ADAMTS20: variants seen among roughly 807,000 people sequenced by gnomAD.
The protein encoded by ADAMTS20 is A disintegrin and metalloproteinase with thrombospondin motifs 20.
ADAMTS20 carries 225 observed loss-of-function variants against 260.1 expected under a neutral mutation model. The ratio of observed to expected loss-of-function variants is 0.87; its 90% confidence interval spans 0.78 to 0.97. ADAMTS20 has a LOEUF of 0.97. Ranked by LOEUF, ADAMTS20 falls within the 50% of genes least tolerant of loss-of-function variation. ADAMTS20 has a pLI of 0.00. For missense variants in ADAMTS20, 2,400 were observed against 2,337.7 expected, an observed-to-expected ratio of 1.03 and a Z score of -0.55; for synonymous variants, 802 against 769.5, an observed-to-expected ratio of 1.04 and a Z score of -0.70.
chr12:43,448,614 T>C (rs544109585), intron 14 of ADAMTS20, among the ~76,000 whole-genome samples: 11 of 152,192 alleles, frequency 7.2e-5, no homozygotes, highest in African/African-American at 2.2e-4. Context: ...CCGAAAGCAA[T>C]TGCAACAGCA....
In ADAMTS20 at chr12:43,376,617, G is replaced by A. The variant is rs112554332; in HGVS notation, c.5032C>T (p.Gln1678Ter). ...VTCGIGIMKR[Q>*]VKCITKHGLS... ...CCATGTTTGGTAATGCATTTCACTTGTCTCTTCATTATCCCAATTCCACAA... is the reference window on the plus strand; with the variant it reads ...CCATGTTTGGTAATGCATTTCACTTATCTCTTCATTATCCCAATTCCACAA... The change falls in exon 33 of 39, where the codon CAA (glutamine) becomes TAA (stop). Residue 1678 changes from glutamine to a stop codon, truncating the protein, a stop_gained. Transcript: ENST00000389420. LOFTEE classifies it high-confidence loss of function. 6.2e-7 allele frequency: 1 copy of A among 1,613,256 alleles called. No homozygotes were observed. Among genetic ancestry groups the A allele is most frequent in the Non-Finnish European group, 8.5e-7 (1 of 1,179,622 alleles).
intron 14 of ADAMTS20, among the ~76,000 whole-genome samples, chr12:43,447,444 C>G (rs949841540): frequency 4.6e-5 from 7 of 152,126 alleles, no homozygotes; most frequent in Admixed American, 6.6e-5. Context: ...ATTCAACACT[C>G]CTTCATGTTA....
At chr12:43,476,995 A>T (rs1282039684) in intron 7 of ADAMTS20, among the ~76,000 whole-genome samples, 1 of 91,518 alleles carries the variant, frequency 1.1e-5, no homozygotes, top group Non-Finnish European at 2.4e-5. Context: ...TAAAGTATAA[A>T]AAAAAAAAAA....
At chr12:43,544,039 G>GA (rs956762549) in intron 2 of ADAMTS20, among the ~76,000 whole-genome samples, 3 of 151,738 alleles carry the variant, frequency 2.0e-5, no homozygotes, top group Non-Finnish European at 4.4e-5. Flanking sequence ...AATATTTGCT[G>GA]AAAAAAAATG....
chr12:43,429,708 G>A lies in ADAMTS20; in HGVS notation c.3398C>T (p.Pro1133Leu). 3 of 1,584,694 alleles carry A rather than the reference G, an allele frequency of 1.9e-6. No homozygotes were observed. The East Asian group carries it at 6.8e-5, about 36-fold the overall frequency. Residue 1133 changes from proline to leucine, a missense_variant, in exon 24 of 39, where the codon CCT becomes CTT. Transcript: ENST00000389420. ...PSDRQSCVLTPCSFISKLETA... is the reference protein window; with the variant it reads ...PSDRQSCVLTLCSFISKLETA... Reference sequence around the variant, plus strand: ...CTCAAGTTTAGAAATAAATGAGCAAGGTGTAAGTACACAGCTCTGTTCAGA... The same window carrying A: ...CTCAAGTTTAGAAATAAATGAGCAAAGTGTAAGTACACAGCTCTGTTCAGA...
At chr12:43,374,865 A>G (rs561917107) in intron 36 of ADAMTS20, among the ~76,000 whole-genome samples, 16 of 152,262 alleles carry the variant, frequency 1.1e-4, no homozygotes, top group Admixed American at 9.8e-4. Context: ...TGTTACTGTC[A>G]TTACATTTTT....
intron 28 of ADAMTS20, among the ~76,000 whole-genome samples, chr12:43,417,000 C>CT: frequency 6.6e-6 from 1 of 152,248 alleles, no homozygotes; most frequent in Non-Finnish European, 1.5e-5. Flanking sequence ...CTATGACATC[C>CT]TTTTCTGGCT....
intron 23 of ADAMTS20, among the ~76,000 whole-genome samples, 163 bp from the exon 24 acceptor site, chr12:43,429,887 T>A (rs77268238): frequency 0.07 from 10,645 of 152,206 alleles, 950 homozygotes; most frequent in African/African-American, 0.21. Flanking sequence ...TACAGTATCG[T>A]CAAGTGTCAA....
At chr12:43,477,186 A>G (rs1942371389) in intron 7 of ADAMTS20, among the ~76,000 whole-genome samples, 1 of 152,176 alleles carries the variant, frequency 6.6e-6, no homozygotes, top group African/African-American at 2.4e-5. Context: ...GGAGTGGCAG[A>G]AAGCTATAAA....
intron 11 of ADAMTS20, among the ~76,000 whole-genome samples, chr12:43,458,663 C>T (rs1011775276): frequency 1.3e-5 from 2 of 152,208 alleles, no homozygotes; most frequent in African/African-American, 4.8e-5. Context: ...TACTATAAAA[C>T]TTCTAATCAG....
chr12:43,387,874 C>G (rs1201526532), intron 29 of ADAMTS20, among the ~76,000 whole-genome samples: 1 of 152,170 alleles, frequency 6.6e-6, no homozygotes, highest in Non-Finnish European at 1.5e-5. Context: ...GCTGATGCCC[C>G]TCCCCCCACC....
rs969121550 is a variant in ADAMTS20 at position 43,399,195 on chromosome 12, T to C, written c.4323A>G (p.Glu1441=). 17 of 1,578,254 alleles carry C rather than the reference T, an allele frequency of 1.1e-5. No individual in the cohort carries two copies. Among genetic ancestry groups the C allele is most frequent in the Non-Finnish European group, 1.5e-5 (17 of 1,162,086 alleles). The change falls in exon 29 of 39, where the codon GAA becomes GAG. Residue 1441 remains glutamate (E), a synonymous_variant. Coordinates refer to ENST00000389420, the MANE Select transcript of ADAMTS20 (RefSeq NM_025003.5). The part of the protein sequence containing the change: ...ASCGKGRKYR[E]VFCIDQFQRK... ...TTTGGAATTGGTCAATGCAAAACAC[T>C]TCACGGTACTTTCTACCTTTACCAC...
At chr12:43,420,312 T>C (rs1358101844) in intron 28 of ADAMTS20, among the ~76,000 whole-genome samples, 8 of 152,192 alleles carry the variant, frequency 5.3e-5, no homozygotes, top group African/African-American at 1.4e-4. Context: ...TAATATGTAG[T>C]AGATACTCAT....
chr12:43,452,341 T>A lies in ADAMTS20; in HGVS notation c.2012A>T (p.Asp671Val). Residue 671 changes from aspartate to valine, a missense_variant, in exon 14 of 39, where the codon GAT becomes GTT. Transcript: ENST00000389420. ...ACAAGGAGTACCATCTTCAACCATA[T>A]CCTTCAATAGGTAGAAATAATTGGT... is the stretch of plus-strand genomic sequence containing the variant. Reference protein sequence around the residue: ...AGTNYFYLLKDMVEDGTPCGT... With the variant: ...AGTNYFYLLKVMVEDGTPCGT... 6.2e-7 allele frequency: 1 copy of A among 1,613,434 alleles called. No homozygotes were observed. Among genetic ancestry groups the A allele is most frequent in the South Asian group, 1.1e-5 (1 of 91,050 alleles).
chr12:43,374,452 G>T (rs1347900955), intron 36 of ADAMTS20, among the ~76,000 whole-genome samples: 1 of 152,054 alleles, frequency 6.6e-6, no homozygotes, highest in African/African-American at 2.4e-5. Flanking sequence ...GCCTGCATTT[G>T]CCAGGTGCAT....
intron 29 of ADAMTS20, among the ~76,000 whole-genome samples, chr12:43,391,930 A>G (rs1043753893): frequency 2.6e-5 from 4 of 152,202 alleles, no homozygotes; most frequent in African/African-American, 7.2e-5. Flanking sequence ...ATAAGCAGCA[A>G]CCACCAACTT....
chr12:43,415,865 C>A (rs1380751355), intron 28 of ADAMTS20, among the ~76,000 whole-genome samples: 1 of 152,152 alleles, frequency 6.6e-6, no homozygotes, highest in Non-Finnish European at 1.5e-5. Context: ...TTACATGAGA[C>A]TATCTAATAC....
chr12:43,539,065 G>T (rs769472953), intron 2 of ADAMTS20, among the ~76,000 whole-genome samples: 6 of 149,170 alleles, frequency 4.0e-5, no homozygotes, highest in African/African-American at 1.2e-4. Context: ...CAATTCTCCT[G>T]CCTCAGCCTC....
intron 28 of ADAMTS20, among the ~76,000 whole-genome samples, chr12:43,415,486 C>G (rs151133733): frequency 1.3e-5 from 2 of 151,918 alleles, no homozygotes; most frequent in Non-Finnish European, 2.9e-5. Context: ...ATTTCTAACT[C>G]GAGGAAAAAT....
Sources: gnomAD v4.1 joint callset for allele counts (sites outside exome capture counted in the v4.1 genomes callset) on GRCh38, gnomAD v4.1.1 for gene constraint, MANE v1.5 for transcripts, NCBI Gene and HGNC (gene_info 2026-07-23, HGNC 2026-07-21) for gene names.